The following NBEA variants were observed in gnomAD, a reference collection of about 807,000 sequenced individuals.
NBEA encodes lysosomal-trafficking regulator 2.
A neutral mutation model predicts 343.4 loss-of-function variants in NBEA; 44 were observed. That is an observed-to-expected ratio of 0.13 (90% CI 0.10 to 0.16). NBEA has a LOEUF of 0.16. Among genes scored for constraint, NBEA ranks in the 10% least tolerant of loss-of-function variants. NBEA has a pLI of 1.00. For missense variants in NBEA, 2,555 were observed against 3,631.3 expected (o/e 0.70, Z 7.62); for synonymous variants, 1,175 against 1,238.7 (o/e 0.95, Z 1.08).
intron 38 of NBEA, among the ~76,000 whole-genome samples, chr13:35,359,438 T>C (rs1474482295): frequency 6.6e-6 from 1 of 152,220 alleles, no homozygotes; most frequent in East Asian, 1.9e-4. Flanking sequence ...ATTGTTGTTA[T>C]ATCCCTGTTC....
At chr13:35,237,206 G>T (rs1001940307) in intron 34 of NBEA, among the ~76,000 whole-genome samples, 3 of 152,022 alleles carry the variant, frequency 2.0e-5, no homozygotes, top group African/African-American at 7.2e-5. Context: ...AGTGAGCCAC[G>T]ATCGTACCAC....
intron 38 of NBEA, among the ~76,000 whole-genome samples, chr13:35,400,693 G>T (rs1252775862): frequency 4.6e-5 from 7 of 151,976 alleles, no homozygotes; most frequent in African/African-American, 1.7e-4. Flanking sequence ...TATTCCATTT[G>T]TAGTCTGGAA....
chr13:35,576,464 A>G (rs1049880949), intron 45 of NBEA, among the ~76,000 whole-genome samples: 1 of 152,176 alleles, frequency 6.6e-6, no homozygotes, highest in African/African-American at 2.4e-5. Context: ...AACACTAGCC[A>G]AAATATAAAG....
At chr13:34,973,950 C>G (rs1593327208) in intron 1 of NBEA, among the ~76,000 whole-genome samples, 1 of 152,296 alleles carries the variant, frequency 6.6e-6, no homozygotes, top group African/African-American at 2.4e-5. Context: ...TGAGTGGCTG[C>G]TCTGCTGAGA....
chr13:35,369,750 G>A (rs1478428001), intron 38 of NBEA, among the ~76,000 whole-genome samples: 1 of 151,876 alleles, frequency 6.6e-6, no homozygotes, highest in Non-Finnish European at 1.5e-5. Flanking sequence ...GTTTTTGGTG[G>A]AGTCTTTAGG....
Position 35,426,289 on chromosome 13 carries a change from T to C in NBEA, c.6180-5980T>C, listed in dbSNP as rs901489587. Among the ~76,000 whole-genome samples, 5 of 152,320 alleles carry C rather than the reference T, an allele frequency of 3.3e-5. No homozygotes were observed. The East Asian group carries it at 9.7e-4, about 29-fold the overall frequency. On this transcript the variant is annotated intron_variant, in intron 38 of 58. Coordinates refer to ENST00000379939, the MANE Select transcript of NBEA (RefSeq NM_001385012.1). The stretch of plus-strand genomic sequence containing the variant: ...ATGTTTTTGCAGTGGCTGCTGCCGG[T>C]TGTTCCTTTCCATGTTTAGTGCTTC...
At chr13:35,436,603 G>A (rs75272286) in intron 39 of NBEA, among the ~76,000 whole-genome samples, 3 of 151,844 alleles carry the variant, frequency 2.0e-5, no homozygotes, top group Non-Finnish European at 2.9e-5. Context: ...CCAGCTACTC[G>A]GGAGGCTGAG....
At chr13:35,119,721 G>T (rs867860609) in intron 16 of NBEA, among the ~76,000 whole-genome samples, 20 of 152,226 alleles carry the variant, frequency 1.3e-4, no homozygotes, top group Non-Finnish European at 2.2e-4. Context: ...GAGTAGCTGG[G>T]ACTACAGGCG....
At chr13:35,143,639 A>C (rs1208119901) in intron 18 of NBEA, among the ~76,000 whole-genome samples, 1 of 152,200 alleles carries the variant, frequency 6.6e-6, no homozygotes, top group African/African-American at 2.4e-5. Context: ...ATATCTCATC[A>C]TTGTAGATTT....
At chr13:35,553,892 A>T (rs1361824515) in intron 43 of NBEA, among the ~76,000 whole-genome samples, 2 of 152,160 alleles carry the variant, frequency 1.3e-5, no homozygotes, top group African/African-American at 4.8e-5. Context: ...GAATGATTAG[A>T]TAGGGCTGCA....
intron 36 of NBEA, among the ~76,000 whole-genome samples, chr13:35,334,885 T>G (rs1294103709): frequency 6.6e-6 from 1 of 152,208 alleles, no homozygotes; most frequent in Non-Finnish European, 1.5e-5. Context: ...CATGTTTGCT[T>G]TGGTTGCCTG....
At chr13:35,295,104 A>G (rs905710724) in intron 35 of NBEA, among the ~76,000 whole-genome samples, 2 of 148,432 alleles carry the variant, frequency 1.3e-5, no homozygotes, top group Non-Finnish European at 3.0e-5. Flanking sequence ...CAGGCAATGT[A>G]TAATATTTAT....
chr13:35,016,587 TATACACAC>T (rs1015812108), intron 1 of NBEA, among the ~76,000 whole-genome samples: 4 of 49,124 alleles, frequency 8.1e-5, no homozygotes, highest in African/African-American at 1.6e-4. Context: ...CTTGTATGTG[TATACACAC>T]ACACACACAC....
chr13:35,426,335 C>A (rs1485500388), intron 38 of NBEA, among the ~76,000 whole-genome samples: 2 of 152,148 alleles, frequency 1.3e-5, no homozygotes, highest in African/African-American at 4.8e-5. Context: ...TCTTTTAGGG[C>A]AGGCCTGGTA....
intron 36 of NBEA, among the ~76,000 whole-genome samples, chr13:35,337,240 A>G (rs2039317646): frequency 6.6e-6 from 1 of 152,144 alleles, no homozygotes; most frequent in Non-Finnish European, 1.5e-5. Context: ...GATTTTATAA[A>G]AAGGATTCAA....
At chr13:34,967,408 C>A (rs1255641116) in intron 1 of NBEA, among the ~76,000 whole-genome samples, 1 of 151,406 alleles carries the variant, frequency 6.6e-6, no homozygotes, top group Non-Finnish European at 1.5e-5. Context: ...AGAAGCACTG[C>A]AATAGAAACA....
At chr13:35,303,173 T>A (rs1448237136) in intron 35 of NBEA, among the ~76,000 whole-genome samples, 1 of 152,142 alleles carries the variant, frequency 6.6e-6, no homozygotes, top group Non-Finnish European at 1.5e-5. Flanking sequence ...TTAGTAATAC[T>A]TTTTCATGTC....
chr13:35,147,549 C>T (rs1024588905), intron 18 of NBEA, among the ~76,000 whole-genome samples: 3 of 151,936 alleles, frequency 2.0e-5, no homozygotes, highest in Admixed American at 1.3e-4. Context: ...GTTAAGGAGG[C>T]GGACTAGTAG....
At chr13:34,988,334 A>T (rs1050019355) in intron 1 of NBEA, among the ~76,000 whole-genome samples, 2 of 151,094 alleles carry the variant, frequency 1.3e-5, no homozygotes, top group Non-Finnish European at 3.0e-5. Context: ...CAGAGCTGTC[A>T]GATAGGGACG....
Sources: allele counts gnomAD v4.1 joint callset (sites outside exome capture counted in the v4.1 genomes callset), GRCh38; gene constraint gnomAD v4.1.1; transcripts MANE v1.5; gene names NCBI Gene and HGNC (gene_info 2026-07-23, HGNC 2026-07-21).